Variants in PTPRT observed in about 807,000 individuals in gnomAD.
PTPRT encodes the protein receptor-type tyrosine-protein phosphatase T.
Under a neutral mutation model 176.8 loss-of-function variants are expected in PTPRT, and 56 were observed. The ratio of observed to expected loss-of-function variants is 0.32; its 90% CI spans 0.26 to 0.40. The LOEUF (loss-of-function observed/expected upper bound fraction) is 0.40, where lower values mean the gene tolerates loss of function less well. Among genes scored for constraint, PTPRT ranks in the 10% least tolerant of loss-of-function variants. The pLI, the probability that PTPRT is intolerant of heterozygous loss-of-function variation, is 1.00. For synonymous variants in PTPRT, 783 were observed against 739.0 expected (o/e 1.06, Z -0.96); for missense variants, 1,540 against 1,908.2 (o/e 0.81, Z 3.60).
Position 42,620,226 on chromosome 20 carries a change from G to A in PTPRT, c.1153+57640C>T, listed in dbSNP as rs538787715. Among the ~76,000 whole-genome samples the A allele has an allele frequency of 9.5e-5, 14 of 147,470 alleles. No individual in the cohort carries two copies. In the South Asian group the frequency reaches 1.1e-3, roughly 11 times the overall value. On this transcript the variant is annotated intron_variant, in intron 7 of 30. Coordinates refer to ENST00000373187, the MANE Select transcript of PTPRT (RefSeq NM_007050.6). ...TGTGAGGTGTCAGTGTGCCCCTGCT[G>A]GGGGGTGCCTCCCAGTTAGGCTGCT...
chr20:42,932,967 A>G (rs1979957716), intron 1 of PTPRT, among the ~76,000 whole-genome samples: 2 of 152,002 alleles, frequency 1.3e-5, no homozygotes, highest in Admixed American at 1.3e-4. Context: ...ACCTCTTCCA[A>G]CCTCTCCTCT....
rs1226894826 is a variant in PTPRT at position 42,398,808 on chromosome 20, A to G, written c.1561-46523T>C. Among the ~76,000 whole-genome samples, 5 of 152,152 alleles carry G rather than the reference A, an allele frequency of 3.3e-5. No individual in the cohort carries two copies. The East Asian group carries it at 9.6e-4, about 29-fold the overall frequency. ...TGGCTTAAAACAACAATAATTGATT[A>G]TTTCTTATAGTTTTCTGAGTTAGCA... is the stretch of plus-strand genomic sequence containing the variant. On this transcript the variant is annotated intron_variant, in intron 9 of 30. Coordinates refer to ENST00000373187, the MANE Select transcript of PTPRT (RefSeq NM_007050.6).
intron 15 of PTPRT, among the ~76,000 whole-genome samples, chr20:42,213,309 AGGTAAGAGACCC>A (rs1249290511): frequency 1.3e-5 from 1 of 77,642 alleles, no homozygotes; most frequent in Non-Finnish European, 3.7e-5. Context: ...GAACACTAGA[AGGTAAGAGACCC>A]GGGTGCCGGG....
chr20:42,612,044 A>G (rs940442469), intron 7 of PTPRT, among the ~76,000 whole-genome samples: 15 of 152,112 alleles, frequency 9.9e-5, no homozygotes, highest in African/African-American at 3.6e-4. Flanking sequence ...CGTGAGTTGC[A>G]TCATTCAGCC....
At chr20:42,579,357 T>C (rs984017264) in intron 7 of PTPRT, among the ~76,000 whole-genome samples, 6 of 152,136 alleles carry the variant, frequency 3.9e-5, no homozygotes, top group South Asian at 4.1e-4. Flanking sequence ...TGAATAGTGC[T>C]GCAATAAACA....
At chr20:42,935,963 G>C (rs4812660) in intron 1 of PTPRT, among the ~76,000 whole-genome samples, 32 of 152,292 alleles carry the variant, frequency 2.1e-4, no homozygotes, top group African/African-American at 7.5e-4. Flanking sequence ...GGTCAGGCTG[G>C]TCTCGAACTC....
At chr20:42,711,558 A>G (rs1016325096) in intron 6 of PTPRT, among the ~76,000 whole-genome samples, 3 of 152,232 alleles carry the variant, frequency 2.0e-5, no homozygotes, top group East Asian at 1.9e-4. Flanking sequence ...CCAGAAGCAA[A>G]TGCTGGCACT....
chr20:43,153,603 C>T (rs904064545), intron 1 of PTPRT, among the ~76,000 whole-genome samples: 7 of 152,060 alleles, frequency 4.6e-5, no homozygotes, highest in Middle Eastern at 6.8e-3. Context: ...GAGGACTCTC[C>T]GGATACATAA....
intron 7 of PTPRT, among the ~76,000 whole-genome samples, chr20:42,640,604 G>T (rs1412209430): frequency 3.3e-5 from 5 of 151,862 alleles, no homozygotes; most frequent in Non-Finnish European, 7.4e-5. Flanking sequence ...GGCCAGGCTG[G>T]TCTCGAACTC....
At chr20:42,654,011 GTAAAA>G (rs1221881394) in intron 7 of PTPRT, among the ~76,000 whole-genome samples, 1 of 152,076 alleles carries the variant, frequency 6.6e-6, no homozygotes, top group Non-Finnish European at 1.5e-5. Context: ...TGACCACAAA[GTAAAA>G]TAAGGAAAAA....
intron 2 of PTPRT, among the ~76,000 whole-genome samples, chr20:42,863,261 T>C (rs1430320851): frequency 3.9e-5 from 6 of 152,204 alleles, no homozygotes; most frequent in African/African-American, 1.4e-4. Context: ...ATTTTGTAAA[T>C]GTGAATGAAG....
At chr20:42,476,290 C>G (rs576378729) in intron 7 of PTPRT, among the ~76,000 whole-genome samples, 24 of 152,168 alleles carry the variant, frequency 1.6e-4, no homozygotes, top group Non-Finnish European at 3.1e-4. Context: ...AATAAACCCA[C>G]TGGGGGCTTG....
intron 12 of PTPRT, among the ~76,000 whole-genome samples, chr20:42,305,444 A>T (rs762618900): frequency 1.8e-4 from 28 of 152,178 alleles, no homozygotes; most frequent in Non-Finnish European, 3.7e-4. Flanking sequence ...TATGCATGCT[A>T]AAATATTTAT....
At chr20:42,979,954 G>A (rs1184469255) in intron 1 of PTPRT, among the ~76,000 whole-genome samples, 3 of 135,000 alleles carry the variant, frequency 2.2e-5, no homozygotes, top group Admixed American at 7.6e-5. Context: ...TCCAGAAGCC[G>A]GAGAGCATGC....
At chr20:42,819,145 C>G (rs890641260) in intron 2 of PTPRT, among the ~76,000 whole-genome samples, 1 of 152,134 alleles carries the variant, frequency 6.6e-6, no homozygotes, top group Non-Finnish European at 1.5e-5. Flanking sequence ...TAAGGGCAGA[C>G]AGAGAGAAAG....
intron 9 of PTPRT, among the ~76,000 whole-genome samples, chr20:42,411,446 G>A (rs1468295525): frequency 6.6e-6 from 1 of 150,866 alleles, no homozygotes; most frequent in Non-Finnish European, 1.5e-5. Context: ...GAACCAGGGA[G>A]GCAGAGGTTG....
At chr20:42,278,104 T>TTTGCA in intron 13 of PTPRT, among the ~76,000 whole-genome samples, 1 of 81,882 alleles carries the variant, frequency 1.2e-5, no homozygotes, top group Non-Finnish European at 2.5e-5. Context: ...TATATATATA[T>TTTGCA]ATATATATAT....
At chr20:43,008,327 G>A (rs1409323864) in intron 1 of PTPRT, among the ~76,000 whole-genome samples, 1 of 152,188 alleles carries the variant, frequency 6.6e-6, no homozygotes, top group African/African-American at 2.4e-5. Flanking sequence ...TGACCACTTA[G>A]TAAGCAGACA....
At chr20:42,720,443 G>A (rs748265677) in intron 6 of PTPRT, among the ~76,000 whole-genome samples, 5 of 152,200 alleles carry the variant, frequency 3.3e-5, no homozygotes, top group Non-Finnish European at 5.9e-5. Context: ...TGTTGCAGAG[G>A]TGGGAATTAT....
Sources: allele counts gnomAD v4.1 joint callset (sites outside exome capture counted in the v4.1 genomes callset), GRCh38; gene constraint gnomAD v4.1.1; transcripts MANE v1.5; gene names NCBI Gene and HGNC (gene_info 2026-07-23, HGNC 2026-07-21).